Variants in MTREX observed in about 807,000 individuals in gnomAD.
MTREX encodes exosome RNA helicase MTR4.
MTREX carries 76 observed loss-of-function variants against 135.4 expected under a neutral mutation model. The observed-to-expected ratio is 0.56, with a 90% CI of 0.47 to 0.68. The LOEUF is 0.68. Among genes scored for constraint, MTREX ranks in the 30% least tolerant of loss-of-function variants. The pLI is 0.00. For synonymous variants in MTREX, 404 were observed against 401.6 expected (o/e 1.01, Z -0.07); for missense variants, 920 against 1,262.1 (o/e 0.73, Z 4.11).
intron 16 of MTREX, among the ~76,000 whole-genome samples, chr5:55,377,327 TA>T (rs756424826): frequency 6.7e-6 from 1 of 150,180 alleles, no homozygotes; most frequent in South Asian, 2.1e-4. Flanking sequence ...ACTCCGTCTC[TA>T]AAAAAAAAGA....
chr5:55,358,787 C>T, intron 15 of MTREX, 89 bp downstream of exon 15: 1 of 1,121,116 alleles, frequency 8.9e-7, no homozygotes, highest in Non-Finnish European at 1.2e-6. Flanking sequence ...CAGTCAGACA[C>T]CTAAGTGAAA....
At chr5:55,344,064 C>T (rs1326207454) in intron 8 of MTREX, among the ~76,000 whole-genome samples, 1 of 152,030 alleles carries the variant, frequency 6.6e-6, no homozygotes, top group East Asian at 1.9e-4. Context: ...TGGCATTCTC[C>T]CATATTGCTT....
chr5:55,333,979 T>C (rs1459077234), intron 5 of MTREX, among the ~76,000 whole-genome samples: 1 of 152,106 alleles, frequency 6.6e-6, no homozygotes, highest in Non-Finnish European at 1.5e-5. Flanking sequence ...TAAGTTGTAG[T>C]ATATCCAGAC....
At chr5:55,369,044 A>G (rs1397229428) in intron 16 of MTREX, among the ~76,000 whole-genome samples, 1 of 152,018 alleles carries the variant, frequency 6.6e-6, no homozygotes, top group Non-Finnish European at 1.5e-5. Flanking sequence ...GTATGATTCT[A>G]GTCTCAGAGA....
rs539303416 is a variant in MTREX at position 55,361,864 on chromosome 5, A to C, written c.1659+3166A>C. Among the ~76,000 whole-genome samples, 3 of 151,572 alleles carry C rather than the reference A, an allele frequency of 2.0e-5. No homozygotes were observed. In the East Asian group the frequency reaches 5.8e-4, roughly 29 times the overall value. On this transcript the variant is annotated intron_variant, in intron 15 of 26. Coordinates refer to ENST00000230640, the MANE Select transcript of MTREX (RefSeq NM_015360.5). ...TGTCGCAGCCTCCCAAGGTGCTAGG[A>C]TTACGGGCGTGAGCCACCATACCCA... is the stretch of plus-strand genomic sequence containing the variant.
chr5:55,334,014 A>G (rs1477715329), intron 5 of MTREX, among the ~76,000 whole-genome samples: 1 of 152,154 alleles, frequency 6.6e-6, no homozygotes, highest in African/African-American at 2.4e-5. Context: ...CTGCCATAAA[A>G]AGGAATAAAG....
chr5:55,352,481 A>G (rs1463092806), intron 13 of MTREX, among the ~76,000 whole-genome samples: 1 of 152,192 alleles, frequency 6.6e-6, no homozygotes, highest in Non-Finnish European at 1.5e-5. Flanking sequence ...TCATCCCATC[A>G]CTTGCCAGAA....
At chr5:55,379,917 T>G (rs985895589) in intron 18 of MTREX, among the ~76,000 whole-genome samples, 12 of 152,142 alleles carry the variant, frequency 7.9e-5, no homozygotes, top group African/African-American at 2.7e-4. Flanking sequence ...TCACCTTAGG[T>G]TTTACATTTT....
chr5:55,379,036 C>T (rs112320880), intron 17 of MTREX, 91 bp from the exon 18 acceptor site: 35 of 811,832 alleles, frequency 4.3e-5, no homozygotes, highest in African/African-American at 1.5e-4. Flanking sequence ...ATTCAGAAAG[C>T]TTTATTAGTC....
At chr5:55,348,872 A>G (rs1282559768) in intron 11 of MTREX, among the ~76,000 whole-genome samples, 8 of 152,242 alleles carry the variant, frequency 5.3e-5, no homozygotes, top group Non-Finnish European at 1.2e-4. Context: ...AAGAAAGAGC[A>G]TGGGCTTTGG....
intron 12 of MTREX, 82 bp from the exon 13 acceptor site, chr5:55,350,837 A>C: frequency 1.8e-6 from 2 of 1,121,392 alleles, no homozygotes; most frequent in Admixed American, 2.5e-5. Flanking sequence ...AGCATTCTTT[A>C]CTGTTTTTCT....
In MTREX at chr5:55,339,994, G is replaced by C; in HGVS notation, c.516-16G>C. On this transcript the variant is annotated splice_polypyrimidine_tract_variant and intron_variant, in intron 5 of 26. Coordinates refer to ENST00000230640, the MANE Select transcript of MTREX (RefSeq NM_015360.5). ...TAAAGGAAAAGTTGTATGATTATTT[G>C]TTTTCACATTTGTAGGTATGCCATT... 6.8e-7 allele frequency: 1 copy of C among 1,462,050 alleles called. No homozygotes were observed. The highest frequency in any genetic ancestry group is 1.5e-5 in the African/African-American group (1 of 66,690). The allele number at this position is 1,462,050 out of a possible 1,614,324, so 90.6% of individuals were successfully genotyped here.
chr5:55,414,006 A>G (rs1750926944), intron 23 of MTREX, among the ~76,000 whole-genome samples, 176 bp from the exon 24 acceptor site: 1 of 152,224 alleles, frequency 6.6e-6, no homozygotes, highest in Admixed American at 6.5e-5. Flanking sequence ...GATGAGAGGA[A>G]TAGTGATTTT....
At chr5:55,359,353 C>T (rs540284146) in intron 15 of MTREX, among the ~76,000 whole-genome samples, 1 of 152,192 alleles carries the variant, frequency 6.6e-6, no homozygotes, top group South Asian at 2.1e-4. Context: ...ATTAAAAACA[C>T]AAAATTAATT....
intron 19 of MTREX, among the ~76,000 whole-genome samples, chr5:55,389,552 G>A (rs1355640124): frequency 2.0e-5 from 3 of 152,182 alleles, no homozygotes; most frequent in Non-Finnish European, 2.9e-5. Context: ...AGGGGATGCA[G>A]CTTAATAAGG....
At chr5:55,363,489 T>C (rs1750048844) in intron 15 of MTREX, among the ~76,000 whole-genome samples, 1 of 152,248 alleles carries the variant, frequency 6.6e-6, no homozygotes, top group South Asian at 2.1e-4. Context: ...CTTCAAAGTT[T>C]ACATAATGTC....
chr5:55,321,013 T>A (rs1471887714), intron 1 of MTREX, among the ~76,000 whole-genome samples: 1 of 152,186 alleles, frequency 6.6e-6, no homozygotes, highest in Admixed American at 6.5e-5. Context: ...TGGAAAAATA[T>A]AAAAACTATG....
intron 19 of MTREX, among the ~76,000 whole-genome samples, chr5:55,394,988 G>A (rs148122226): frequency 8.0e-5 from 12 of 150,370 alleles, no homozygotes; most frequent in South Asian, 2.1e-4. Flanking sequence ...AACCGAGATC[G>A]CACCGCTGCA....
Position 55,425,150 on chromosome 5 carries a change from G to C in MTREX, c.*378G>C. ...AGAAAGATGCATCCTCTTGCCTTGT[G>C]GCAATCATTTTCCTTTAGAAAACAG... On this transcript the variant is annotated 3_prime_UTR_variant, in exon 27 of 27. Coordinates refer to ENST00000230640, the MANE Select transcript of MTREX (RefSeq NM_015360.5). 6.4e-7 allele frequency: 1 copy of C among 1,571,598 alleles called. No individual in the cohort carries two copies. Among genetic ancestry groups the C allele is most frequent in the Non-Finnish European group, 8.6e-7 (1 of 1,160,276 alleles).
Sources: gnomAD v4.1 joint callset for allele counts (sites outside exome capture counted in the v4.1 genomes callset) on GRCh38, gnomAD v4.1.1 for gene constraint, MANE v1.5 for transcripts, NCBI Gene and HGNC (gene_info 2026-07-23, HGNC 2026-07-21) for gene names.